The following CCSER1 variants were observed in gnomAD, a reference collection of about 807,000 sequenced individuals.
CCSER1 encodes coiled-coil serine rich protein 1.
In CCSER1, 41 loss-of-function variants were observed where a neutral mutation model predicts 82.0. The ratio of observed to expected loss-of-function variants is 0.50; its 90% CI spans 0.39 to 0.65. The LOEUF is 0.65. Ranked by LOEUF, CCSER1 falls within the 30% of genes least tolerant of loss-of-function variation. The pLI is 0.00. For synonymous variants in CCSER1, 414 were observed against 383.9 expected, an observed-to-expected ratio of 1.08 and a Z score of -0.92; for missense variants, 1,119 against 1,064.2, an observed-to-expected ratio of 1.05 and a Z score of -0.72.
intron 1 of CCSER1, among the ~76,000 whole-genome samples, chr4:90,237,614 T>A (rs1046755341): frequency 1.2e-4 from 18 of 152,266 alleles, no homozygotes; most frequent in Admixed American, 3.3e-4. Flanking sequence ...TGGGAAATAA[T>A]CAATTAAAAC....
chr4:90,324,192 G>C (rs1324212083), intron 3 of CCSER1, among the ~76,000 whole-genome samples: 1 of 152,160 alleles, frequency 6.6e-6, no homozygotes, highest in African/African-American at 2.4e-5. Flanking sequence ...CCCAGTAATT[G>C]GATGGCTGGG....
rs918249134 is a variant in CCSER1 at position 91,012,356 on chromosome 4, A to C, written c.2173-73594A>C. 1.3e-4 allele frequency among the ~76,000 whole-genome samples: 17 copies of C among 134,414 alleles called. 5 individuals carry two copies. The highest frequency in any genetic ancestry group is 1.3e-3 in the Admixed American group (17 of 13,516). 88.2% of individuals were successfully genotyped at this position (134,414 alleles called of 152,430 possible). A position where few individuals can be genotyped will look rare whatever the true frequency, so the allele number is the denominator to read the frequency against. On this transcript the variant is annotated intron_variant, in intron 9 of 10. Transcript: ENST00000509176. ...AGCTCTGCCAAGGCACTCTTTCCCC[A>C]GGCAGCACTGTGCAGCTTTACCTCT...
At chr4:90,843,770 A>C (rs1198314751) in intron 8 of CCSER1, among the ~76,000 whole-genome samples, 1 of 152,114 alleles carries the variant, frequency 6.6e-6, no homozygotes, top group Admixed American at 6.6e-5. Flanking sequence ...ATGTTAATCT[A>C]TTCCAAGAGA....
intron 1 of CCSER1, among the ~76,000 whole-genome samples, chr4:90,166,223 A>G (rs191995455): frequency 4.6e-5 from 7 of 152,124 alleles, no homozygotes; most frequent in Middle Eastern, 6.8e-3. Flanking sequence ...CTGTAGGCTA[A>G]TGAGCATGTT....
intron 10 of CCSER1, among the ~76,000 whole-genome samples, chr4:91,564,135 G>A (rs971185369): frequency 2.6e-5 from 4 of 151,756 alleles, no homozygotes; most frequent in African/African-American, 9.7e-5. Flanking sequence ...AAGAAGATGA[G>A]GTATTTGGTT....
chr4:90,433,730 C>T (rs890292093), intron 4 of CCSER1, among the ~76,000 whole-genome samples: 2 of 151,808 alleles, frequency 1.3e-5, no homozygotes, highest in Non-Finnish European at 2.9e-5. Flanking sequence ...TAATGTGGAA[C>T]CTTTGATGGT....
At chr4:91,537,511 A>T (rs764539105) in intron 10 of CCSER1, among the ~76,000 whole-genome samples, 1 of 152,038 alleles carries the variant, frequency 6.6e-6, no homozygotes, top group Non-Finnish European at 1.5e-5. Context: ...CTCAGTGATA[A>T]AGCACACAAA....
At chr4:90,871,292 A>C (rs1347398492) in intron 8 of CCSER1, among the ~76,000 whole-genome samples, 1 of 151,668 alleles carries the variant, frequency 6.6e-6, no homozygotes, top group African/African-American at 2.4e-5. Flanking sequence ...TTTAAAAAAA[A>C]ATATTTAGGA....
chr4:90,321,161 A>G (rs1306410182), intron 3 of CCSER1, among the ~76,000 whole-genome samples: 2 of 152,094 alleles, frequency 1.3e-5, no homozygotes, highest in African/African-American at 4.8e-5. Context: ...ACTAGATCTT[A>G]TTCATTCTAC....
intron 5 of CCSER1, among the ~76,000 whole-genome samples, chr4:90,575,639 A>G (rs2148601351): frequency 6.6e-6 from 1 of 152,330 alleles, no homozygotes; most frequent in South Asian, 2.1e-4. Context: ...GCCTCTATGT[A>G]TCATCATTTT....
At chr4:90,271,860 ATATTTTTTT>A (rs1320889331) in intron 1 of CCSER1, among the ~76,000 whole-genome samples, 58 of 22,190 alleles carry the variant, frequency 2.6e-3, no homozygotes, top group Non-Finnish European at 3.0e-3. Context: ...ATATATATAT[ATATTTTTTT>A]TTTTTTTTTT....
intron 10 of CCSER1, among the ~76,000 whole-genome samples, chr4:91,220,040 T>A (rs1737611750): frequency 6.6e-6 from 1 of 152,130 alleles, no homozygotes; most frequent in Non-Finnish European, 1.5e-5. Context: ...GAATGGGAGA[T>A]CCACAGTTTA....
intron 9 of CCSER1, among the ~76,000 whole-genome samples, chr4:91,021,279 T>A (rs768452600): frequency 6.2e-4 from 95 of 152,130 alleles, no homozygotes; most frequent in Admixed American, 2.0e-4. Context: ...GAGTCTGAAA[T>A]GATACTTTCC....
intron 3 of CCSER1, among the ~76,000 whole-genome samples, chr4:90,317,506 C>A (rs1047101127): frequency 2.0e-5 from 3 of 152,138 alleles, no homozygotes; most frequent in Non-Finnish European, 2.9e-5. Flanking sequence ...CCTGTAATCC[C>A]AGCTACTCGG....
At chr4:90,157,455 A>G (rs1728472400) in intron 1 of CCSER1, among the ~76,000 whole-genome samples, 1 of 152,178 alleles carries the variant, frequency 6.6e-6, no homozygotes, top group Non-Finnish European at 1.5e-5. Context: ...CCTGGATAAT[A>G]TCCTGAAGAG....
At chr4:90,196,830 T>G (rs758211165) in intron 1 of CCSER1, among the ~76,000 whole-genome samples, 1 of 152,076 alleles carries the variant, frequency 6.6e-6, no homozygotes, top group Admixed American at 6.6e-5. Flanking sequence ...GAAAAGCAAG[T>G]GTTTTTGCTA....
At chr4:90,936,999 G>A (rs1330024710) in intron 9 of CCSER1, among the ~76,000 whole-genome samples, 1 of 152,040 alleles carries the variant, frequency 6.6e-6, no homozygotes, top group Non-Finnish European at 1.5e-5. Flanking sequence ...TGAGATTGTA[G>A]CAGTGAACAC....
chr4:91,167,409 C>T (rs748285569), intron 10 of CCSER1, among the ~76,000 whole-genome samples: 4 of 152,050 alleles, frequency 2.6e-5, no homozygotes, highest in Non-Finnish European at 5.9e-5. Flanking sequence ...TGGTCTTGAA[C>T]TCCTGACCTA....
intron 10 of CCSER1, among the ~76,000 whole-genome samples, chr4:91,278,260 C>T (rs1222528050): frequency 6.6e-6 from 1 of 151,962 alleles, no homozygotes; most frequent in Admixed American, 6.6e-5. Flanking sequence ...TGGTCTAATG[C>T]TGACAGTAGG....
Sources: gnomAD v4.1 joint callset for allele counts (sites outside exome capture counted in the v4.1 genomes callset) on GRCh38, gnomAD v4.1.1 for gene constraint, MANE v1.5 for transcripts, NCBI Gene and HGNC (gene_info 2026-07-23, HGNC 2026-07-21) for gene names.